PDE4D: variants seen among roughly 807,000 people sequenced by gnomAD.
The protein encoded by PDE4D is phosphodiesterase 4D.
In PDE4D, 24 loss-of-function variants were observed where a neutral mutation model predicts 87.4. The ratio of observed to expected loss-of-function variants is 0.27; its 90% CI spans 0.20 to 0.39. The LOEUF (loss-of-function observed/expected upper bound fraction) is 0.39. Ranked by LOEUF, PDE4D falls within the 10% of genes least tolerant of loss-of-function variation. The pLI, the probability that PDE4D is intolerant of heterozygous loss-of-function variation, is 1.00. For missense variants in PDE4D, 714 were observed against 1,041.0 expected (o/e 0.69, Z 4.32); for synonymous variants, 384 against 383.2 (o/e 1.00, Z -0.02).
At chr5:60,520,229 T>C (rs1750975393) in intron 1 of PDE4D, among the ~76,000 whole-genome samples, 1 of 152,176 alleles carries the variant, frequency 6.6e-6, no homozygotes, top group Admixed American at 6.5e-5. Context: ...ATGTTCCTTC[T>C]CACCTCCTTT....
At chr5:59,009,194 G>A (rs1404944075) in intron 6 of PDE4D, among the ~76,000 whole-genome samples, 2 of 152,044 alleles carry the variant, frequency 1.3e-5, no homozygotes, top group African/African-American at 4.8e-5. Context: ...AAAGTAGAGT[G>A]ACCATATGAC....
chr5:59,351,832 C>A (rs1284496770), intron 1 of PDE4D, among the ~76,000 whole-genome samples: 1 of 152,076 alleles, frequency 6.6e-6, no homozygotes, highest in Non-Finnish European at 1.5e-5. Context: ...TAACAAATTA[C>A]GTGGTGTTCT....
intron 1 of PDE4D, among the ~76,000 whole-genome samples, chr5:59,854,096 A>C (rs1431909975): frequency 6.6e-6 from 1 of 152,066 alleles, no homozygotes; most frequent in African/African-American, 2.4e-5. Context: ...ATAGCCAAAG[A>C]ATTTCCCATA....
intron 2 of PDE4D, among the ~76,000 whole-genome samples, chr5:60,093,694 A>G (rs899717920): frequency 6.6e-6 from 1 of 152,230 alleles, no homozygotes; most frequent in Admixed American, 6.5e-5. Flanking sequence ...TCTCTCTAGA[A>G]AAATGCAAAA....
intron 2 of PDE4D, among the ~76,000 whole-genome samples, chr5:60,178,409 C>T (rs1784110760): frequency 6.6e-6 from 1 of 152,080 alleles, no homozygotes; most frequent in African/African-American, 2.4e-5. Flanking sequence ...AATGCATGTT[C>T]TGAATCCCTG....
Position 58,988,522 on chromosome 5 carries a change from C to G in PDE4D, c.1523G>C (p.Gly508Ala). 1 of 1,495,848 alleles carries G rather than the reference C, an allele frequency of 6.7e-7. No homozygotes were observed. Among genetic ancestry groups the G allele is most frequent in the Non-Finnish European group, 9.0e-7 (1 of 1,110,824 alleles). The allele number at this position is 1,495,848 out of a possible 1,614,324, so 92.7% of individuals were successfully genotyped here. Residue 508 changes from glycine to alanine, a missense_variant, in exon 11 of 15, where the codon GGT becomes GCT. Physicochemically the swap from Gly to Ala is moderately conservative, Grantham distance 60. This residue lies in a region of PDE4D where 141 missense variants were observed against 204.3 expected (regional missense o/e 0.69). Transcript: ENST00000340635. ...ASAIHDVDHP[G>A]VSNQFLINTN... is the part of the protein sequence containing the mutation. ...ATTGATCAGAAATTGATTGGACACACCAGGATGATCTACATCATGTATTGC... is the reference window on the plus strand; with the variant it reads ...ATTGATCAGAAATTGATTGGACACAGCAGGATGATCTACATCATGTATTGC...
At chr5:59,003,342 C>T (rs2968015) in intron 6 of PDE4D, among the ~76,000 whole-genome samples, 127,709 of 152,144 alleles carry the variant, frequency 0.84, 53,690 homozygotes, top group Admixed American at 0.9. Context: ...AAGACTAGTA[C>T]TCCTCCACCT....
intron 1 of PDE4D, among the ~76,000 whole-genome samples, chr5:59,306,498 G>A (rs902924514): frequency 1.3e-5 from 2 of 151,996 alleles, no homozygotes; most frequent in East Asian, 1.9e-4. Flanking sequence ...TTGTTTTACA[G>A]GTCCTTTGTG....
In PDE4D at chr5:59,388,404, C is replaced by A. The variant is rs143543306; in HGVS notation, c.456-172436G>T. 1.4e-3 allele frequency among the ~76,000 whole-genome samples: 212 copies of A among 152,082 alleles called. 4 individuals are homozygous for A. In the East Asian group the frequency reaches 0.017, roughly 12 times the overall value. The stretch of plus-strand genomic sequence containing the variant: ...CACTGTTGGTGGGAATGTATATTCA[C>A]ATAGCCATTATGGAAAACAGCATCG... On this transcript the variant is annotated intron_variant, in intron 1 of 14. Transcript: ENST00000340635.
At chr5:60,090,103 T>C (rs192700534) in intron 2 of PDE4D, among the ~76,000 whole-genome samples, 1 of 152,212 alleles carries the variant, frequency 6.6e-6, no homozygotes, top group East Asian at 1.9e-4. Context: ...GAATAACCTA[T>C]ACCAATTCTC....
At chr5:59,224,863 A>G (rs2153513398) in intron 1 of PDE4D, among the ~76,000 whole-genome samples, 1 of 152,288 alleles carries the variant, frequency 6.6e-6, no homozygotes. Flanking sequence ...GAACCAAATC[A>G]GCCAATCTTG....
chr5:60,123,109 A>G (rs571706170), intron 2 of PDE4D, among the ~76,000 whole-genome samples: 7 of 152,204 alleles, frequency 4.6e-5, no homozygotes, highest in Non-Finnish European at 1.0e-4. Flanking sequence ...CCATATTGCT[A>G]GCAGGCTTTG....
chr5:59,060,450 A>G (rs1762962563), intron 5 of PDE4D, among the ~76,000 whole-genome samples: 1 of 152,130 alleles, frequency 6.6e-6, no homozygotes, highest in African/African-American at 2.4e-5. Flanking sequence ...ATTATACCTT[A>G]GTCTTTTTTG....
At chr5:59,542,322 G>A (rs1228110917) in intron 1 of PDE4D, among the ~76,000 whole-genome samples, 1 of 152,116 alleles carries the variant, frequency 6.6e-6, no homozygotes, top group African/African-American at 2.4e-5. Flanking sequence ...TGGTCATGCA[G>A]CACCCAGTGA....
chr5:60,407,134 G>A (rs1003852988), intron 1 of PDE4D, among the ~76,000 whole-genome samples: 2 of 152,164 alleles, frequency 1.3e-5, no homozygotes, highest in African/African-American at 2.4e-5. Context: ...CTGATGAGGA[G>A]CTGCTTGGTG....
chr5:59,300,362 A>C (rs1769977466), intron 1 of PDE4D, among the ~76,000 whole-genome samples: 1 of 152,050 alleles, frequency 6.6e-6, no homozygotes, highest in Admixed American at 6.6e-5. Flanking sequence ...ACACTCCCAC[A>C]CACTCCCCAT....
At chr5:59,812,395 C>G (rs181166213) in intron 1 of PDE4D, among the ~76,000 whole-genome samples, 44 of 152,254 alleles carry the variant, frequency 2.9e-4, no homozygotes, top group Middle Eastern at 3.4e-3. Flanking sequence ...TGGGGCCAGG[C>G]GTCATGGCAC....
chr5:59,636,475 G>T (rs557173072), intron 1 of PDE4D, among the ~76,000 whole-genome samples: 1 of 152,176 alleles, frequency 6.6e-6, no homozygotes, highest in African/African-American at 2.4e-5. Context: ...AACAAAGCTG[G>T]AAGCATCAAG....
intron 1 of PDE4D, among the ~76,000 whole-genome samples, chr5:59,392,524 T>TATATATATATA (rs1562093627): frequency 1.1e-4 from 17 of 149,294 alleles, no homozygotes; most frequent in Admixed American, 2.0e-4. Flanking sequence ...TATATATATA[T>TATATATATATA]TCCATTAATT....
Sources: gnomAD v4.1 joint callset for allele counts (sites outside exome capture counted in the v4.1 genomes callset) on GRCh38, gnomAD v4.1.1 for gene constraint, gnomAD v4.1.1 regional missense constraint, MANE v1.5 for transcripts, NCBI Gene and HGNC (gene_info 2026-07-23, HGNC 2026-07-21) for gene names.